The following SGK1 variants were observed in gnomAD, a reference collection of about 807,000 sequenced individuals.
The protein encoded by SGK1 is serine/threonine-protein kinase Sgk1.
In SGK1, 26 loss-of-function variants were observed where a neutral mutation model predicts 64.2. The ratio of observed to expected loss-of-function variants is 0.40; its 90% CI spans 0.30 to 0.56. SGK1 has a LOEUF of 0.56. Among genes scored for constraint, SGK1 ranks in the 20% least tolerant of loss-of-function variants. The pLI is 0.38. For synonymous variants in SGK1, 265 were observed against 239.7 expected (o/e 1.11, Z -0.98); for missense variants, 519 against 645.6 (o/e 0.80, Z 2.12).
At chr6:134,228,581 G>A (rs1776224140) in intron 2 of SGK1, among the ~76,000 whole-genome samples, 1 of 152,152 alleles carries the variant, frequency 6.6e-6, no homozygotes, top group East Asian at 1.9e-4. Context: ...CCAATTTTTT[G>A]TGCCTTAGCA....
At position 134,313,175 on chromosome 6, in the gene SGK1, T is replaced by G. The variant is rs201907626; in HGVS notation, c.69+4217A>C. ...ATAGTTATTAGAAAAGCTACTGTTA[T>G]TAAAGAATAATGCAAGGAATTGTTC... On this transcript the variant is annotated intron_variant, in intron 1 of 13. Transcript: ENST00000367858. Among the ~76,000 whole-genome samples, 19 of 152,344 alleles carry G rather than the reference T, an allele frequency of 1.2e-4. No homozygotes were observed. The East Asian group carries it at 2.7e-3, about 22-fold the overall frequency.
chr6:134,305,966 A>AC (rs965395937), intron 1 of SGK1, among the ~76,000 whole-genome samples: 3 of 152,036 alleles, frequency 2.0e-5, no homozygotes, highest in Non-Finnish European at 2.9e-5. Context: ...CTTATTGATA[A>AC]CCCCCCAGGG....
chr6:134,234,003 A>C (rs982221017), intron 2 of SGK1, among the ~76,000 whole-genome samples: 4 of 152,214 alleles, frequency 2.6e-5, no homozygotes, highest in African/African-American at 9.6e-5. Flanking sequence ...AATAACCTTT[A>C]TTCTTTATAG....
At chr6:134,267,764 T>C (rs922803940) in intron 1 of SGK1, among the ~76,000 whole-genome samples, 10 of 152,122 alleles carry the variant, frequency 6.6e-5, no homozygotes, top group African/African-American at 2.4e-4. Flanking sequence ...ACACAGAATG[T>C]AGCAAGGGAT....
chr6:134,293,976 C>T (rs1777303620), intron 1 of SGK1, among the ~76,000 whole-genome samples: 1 of 152,166 alleles, frequency 6.6e-6, no homozygotes, highest in Non-Finnish European at 1.5e-5. Flanking sequence ...ATTTTAGCAA[C>T]ACACATGAGA....
At chr6:134,170,507 G>A in intron 13 of SGK1, 72 bp from the exon 14 acceptor site, 1 of 1,403,736 alleles carries the variant, frequency 7.1e-7, no homozygotes, top group East Asian at 2.3e-5. Flanking sequence ...TCTTGACCAG[G>A]CTTTAAATAC....
At chr6:134,300,936 GA>G (rs1000447882) in intron 1 of SGK1, among the ~76,000 whole-genome samples, 25 of 152,056 alleles carry the variant, frequency 1.6e-4, no homozygotes, top group African/African-American at 5.8e-4. Context: ...GCCTGGCCAA[GA>G]AATGTATTTT....
intron 1 of SGK1, among the ~76,000 whole-genome samples, chr6:134,280,779 G>A (rs997515845): frequency 2.0e-5 from 3 of 152,118 alleles, no homozygotes; most frequent in Non-Finnish European, 4.4e-5. Context: ...TGAAATAGCA[G>A]ATCCAGGCCA....
chr6:134,187,507 G>A (rs551602607), intron 3 of SGK1, among the ~76,000 whole-genome samples: 109 of 152,244 alleles, frequency 7.2e-4, no homozygotes, highest in African/African-American at 2.0e-3. Context: ...TTGATTCAGA[G>A]CATATACAAC....
At chr6:134,254,479 A>G (rs1373144724) in intron 2 of SGK1, among the ~76,000 whole-genome samples, 4 of 152,180 alleles carry the variant, frequency 2.6e-5, no homozygotes, top group Admixed American at 6.5e-5. Flanking sequence ...GTGGAGTTGT[A>G]CCTGTTCACT....
chr6:134,179,972 G>T (rs1441303795), intron 3 of SGK1, among the ~76,000 whole-genome samples: 3 of 152,082 alleles, frequency 2.0e-5, no homozygotes, highest in Admixed American at 1.3e-4. Flanking sequence ...TTTTGTTTTT[G>T]ACATAGAGTT....
intron 2 of SGK1, among the ~76,000 whole-genome samples, chr6:134,235,550 T>C (rs1376301606): frequency 8.8e-6 from 1 of 113,196 alleles, no homozygotes; most frequent in Non-Finnish European, 1.8e-5. Flanking sequence ...TTTTTATTTA[T>C]TTATTTATTT....
chr6:134,226,905 C>G (rs987885599), intron 2 of SGK1, among the ~76,000 whole-genome samples: 1 of 151,962 alleles, frequency 6.6e-6, no homozygotes, highest in Non-Finnish European at 1.5e-5. Flanking sequence ...CCAGGCTGGC[C>G]TTGAACTCCT....
At chr6:134,198,718 C>CTTTTTTTT (rs1167394718) in intron 3 of SGK1, among the ~76,000 whole-genome samples, 3 of 105,382 alleles carry the variant, frequency 2.8e-5, no homozygotes, top group South Asian at 2.9e-4. Flanking sequence ...TTCTTTTTCT[C>CTTTTTTTT]TTTTTCTATT....
chr6:134,305,559 C>A (rs867007592), intron 1 of SGK1, among the ~76,000 whole-genome samples: 1 of 135,192 alleles, frequency 7.4e-6, no homozygotes. Context: ...GGTGACAGAG[C>A]GAGACCCTGT....
Position 134,298,184 on chromosome 6 carries a change from C to T in SGK1, c.69+19208G>A, listed in dbSNP as rs1777391767. Reference sequence around the variant, plus strand: ...TGTAAGCTTATTGATCTCATCCTCACCAGCCCCTGCATGTTGCCAAGCTCT... The same window carrying T: ...TGTAAGCTTATTGATCTCATCCTCATCAGCCCCTGCATGTTGCCAAGCTCT... On this transcript the variant is annotated intron_variant, in intron 1 of 13. Coordinates refer to ENST00000367858, the MANE Select transcript of SGK1 (RefSeq NM_001143676.3). 6.2e-6 allele frequency: 9 copies of T among 1,451,292 alleles called. No individual in the cohort carries two copies. In the South Asian group the frequency reaches 9.1e-5, roughly 15 times the overall value. 89.9% of individuals were successfully genotyped at this position (1,451,292 alleles called of 1,614,324 possible).
At chr6:134,264,317 C>T (rs1402265376) in intron 1 of SGK1, among the ~76,000 whole-genome samples, 14 of 151,916 alleles carry the variant, frequency 9.2e-5, no homozygotes, top group Admixed American at 9.2e-4. Context: ...GACCGGGTTT[C>T]ATCGTGTTAG....
chr6:134,307,636 T>G (rs955277140), intron 1 of SGK1, among the ~76,000 whole-genome samples: 1 of 152,226 alleles, frequency 6.6e-6, no homozygotes, highest in African/African-American at 2.4e-5. Context: ...GTTGTTATAC[T>G]GTATTGCTTA....
At chr6:134,245,769 T>C (rs768190128) in intron 2 of SGK1, among the ~76,000 whole-genome samples, 1 of 152,142 alleles carries the variant, frequency 6.6e-6, no homozygotes, top group Non-Finnish European at 1.5e-5. Context: ...GGCAAGTGGA[T>C]AGCTTGAGCC....
Sources: allele counts gnomAD v4.1 joint callset (sites outside exome capture counted in the v4.1 genomes callset), GRCh38; gene constraint gnomAD v4.1.1; transcripts MANE v1.5; gene names NCBI Gene and HGNC (gene_info 2026-07-23, HGNC 2026-07-21).